The following VIPR1 variants were observed in gnomAD, a reference collection of about 807,000 sequenced individuals.
VIPR1 encodes the protein vasoactive intestinal polypeptide receptor 1.
A neutral mutation model predicts 58.8 loss-of-function variants in VIPR1; 59 were observed. That is an observed-to-expected ratio of 1.00 (90% confidence interval 0.81 to 1.25). The LOEUF (loss-of-function observed/expected upper bound fraction) is 1.25, where lower values mean the gene tolerates loss of function less well. Among genes scored for constraint, VIPR1 ranks in the 50% most tolerant of loss-of-function variants. The probability of loss-of-function intolerance (pLI) is 0.00; values close to 1 mark genes in which losing one functional copy is unlikely to be tolerated. For missense variants in VIPR1, 626 were observed against 602.7 expected (o/e 1.04, Z -0.40); for synonymous variants, 251 against 242.1 (o/e 1.04, Z -0.34).
At chr3:42,498,984 T>A (rs1410664577), upstream of VIPR1, among the ~76,000 whole-genome samples, 1 of 152,170 alleles carries the variant, frequency 6.6e-6, no homozygotes, top group East Asian at 1.9e-4. Context: ...CAAAAGAAGG[T>A]GCACCCTGGG....
chr3:42,494,339 C>T (rs1297850522), intron 1 of VIPR1, among the ~76,000 whole-genome samples: 1 of 151,800 alleles, frequency 6.6e-6, no homozygotes, highest in African/African-American at 2.4e-5. Flanking sequence ...ATTATGATAC[C>T]TCGTAGAATA....
chr3:42,506,554 G>C (rs1168673627), intron 1 of VIPR1: 2 of 151,936 alleles, frequency 1.3e-5, no homozygotes, highest in Non-Finnish European at 2.9e-5. Context: ...TTGAGATGGA[G>C]TCTTGCTCTG....
At chr3:42,535,298 C>A in intron 11 of VIPR1, 45 bp from the exon 12 acceptor site, 1 of 1,611,416 alleles carries the variant, frequency 6.2e-7, no homozygotes, top group South Asian at 1.1e-5. Flanking sequence ...GGGCTGGGGG[C>A]TTCTGGTCTG....
chr3:42,517,244 A>G (rs1404974496), intron 2 of VIPR1, among the ~76,000 whole-genome samples: 1 of 152,210 alleles, frequency 6.6e-6, no homozygotes, highest in Admixed American at 6.5e-5. Context: ...CTCTTCCCCA[A>G]GTAAACACAT....
rs559270260 is a variant in VIPR1, at chr3:42,517,607, C to T, written c.185-1616C>T. ...CAGCCACAATGCAGGGTTTTCGCTG[C>T]ACTTGTTCCCTAACTATTCCCCTCC... On this transcript the variant is annotated intron_variant, in intron 2 of 12. Coordinates refer to ENST00000325123, the MANE Select transcript of VIPR1 (RefSeq NM_004624.4). Among the ~76,000 whole-genome samples, 13 of 152,356 alleles carry T rather than the reference C, an allele frequency of 8.5e-5. No homozygotes were observed. The East Asian group carries it at 2.5e-3, about 29-fold the overall frequency.
At chr3:42,493,186 T>C (rs752191762) in intron 1 of VIPR1, among the ~76,000 whole-genome samples, 1 of 152,188 alleles carries the variant, frequency 6.6e-6, no homozygotes, top group Non-Finnish European at 1.5e-5. Flanking sequence ...ACGGGTGGCT[T>C]CTGGCTCCAG....
chr3:42,501,782 A>T (rs182921), upstream of VIPR1: 121,921 of 152,426 alleles, frequency 0.8, 48,852 homozygotes, highest in East Asian at 0.99. The surrounding 1 kb of genome is among the most constrained non-coding windows in gnomAD (Gnocchi z 4.8). Flanking sequence ...ACGTCTGTGG[A>T]TCGTTTTAGG....
At chr3:42,505,545 A>G (rs1204935619) in intron 1 of VIPR1, among the ~76,000 whole-genome samples, 1 of 152,226 alleles carries the variant, frequency 6.6e-6, no homozygotes, top group Non-Finnish European at 1.5e-5. Flanking sequence ...ACATGGCTGC[A>G]TCTGGGTCAG....
At chr3:42,527,680 G>A in intron 5 of VIPR1, 184 bp downstream of exon 5, 3 of 661,014 alleles carry the variant, frequency 4.5e-6, no homozygotes, top group South Asian at 1.9e-5. Flanking sequence ...TCTTCCATGT[G>A]TTGCAGCCTA....
intron 1 of VIPR1, among the ~76,000 whole-genome samples, chr3:42,490,297 G>A (rs571939622): frequency 6.6e-6 from 1 of 152,344 alleles, no homozygotes; most frequent in African/African-American, 2.4e-5. Context: ...AGGCGTCAAG[G>A]TTCACACGAG....
At chr3:42,503,139 CAG>C (rs1179863380) in intron 1 of VIPR1, among the ~76,000 whole-genome samples, 3 of 152,172 alleles carry the variant, frequency 2.0e-5, no homozygotes, top group East Asian at 1.9e-4. Context: ...CCAGTGGGTG[CAG>C]AGTCAGGTAC....
chr3:42,517,151 GC>G (rs1487582689), intron 2 of VIPR1, among the ~76,000 whole-genome samples: 1 of 152,222 alleles, frequency 6.6e-6, no homozygotes, highest in East Asian at 1.9e-4. Context: ...TCAGCCTTCA[GC>G]TATAGATGTG....
intron 1 of VIPR1, among the ~76,000 whole-genome samples, chr3:42,495,315 G>T (rs1007741323): frequency 2.0e-5 from 3 of 152,180 alleles, no homozygotes; most frequent in South Asian, 2.1e-4. Context: ...TAGAGACGGG[G>T]TTTCACCATG....
At chr3:42,502,931 G>A in intron 1 of VIPR1, 118 bp downstream of exon 1, 1 of 801,366 alleles carries the variant, frequency 1.2e-6, no homozygotes, top group Non-Finnish European at 1.7e-6. Context: ...GAGGAATAGG[G>A]GACATCAAGC....
chr3:42,501,379 G>A (rs1310347963), upstream of VIPR1, among the ~76,000 whole-genome samples: 1 of 152,112 alleles, frequency 6.6e-6, no homozygotes, highest in Non-Finnish European at 1.5e-5. The surrounding 1 kb of genome is among the most constrained non-coding windows in gnomAD (Gnocchi z 4.8). Context: ...TCAGGTAGCC[G>A]CACATTCTGC....
At chr3:42,522,102 T>TATATATATATATATATATA (rs1553638336) in intron 3 of VIPR1, among the ~76,000 whole-genome samples, 11 of 13,686 alleles carry the variant, frequency 8.0e-4, no homozygotes, top group African/African-American at 1.5e-3. Flanking sequence ...TATATATATA[T>TATATATATATATATATATA]TTTTTTTTTT....
chr3:42,497,152 CT>C (rs1471884436), intron 1 of VIPR1, among the ~76,000 whole-genome samples: 1 of 152,182 alleles, frequency 6.6e-6, no homozygotes, highest in Non-Finnish European at 1.5e-5. Flanking sequence ...TTGAGATCCC[CT>C]GTGGAGTTAG....
chr3:42,519,120 C>G lies in VIPR1; in HGVS notation c.185-103C>G, dbSNP rs992796261. On this transcript the variant is annotated intron_variant, in intron 2 of 12. Transcript: ENST00000325123. ...GACTGGAGGCTCCTTGAGGTGGGAG[C>G]CTGGCAGAGGGAGGAAGAGAGTGGG... The G allele has an allele frequency of 1.4e-5, 13 of 937,242 alleles. 1 individual carries two copies. The East Asian group carries it at 4.2e-4, about 30-fold the overall frequency. The allele number at this position is 937,242 out of a possible 1,614,324, so 58.1% of individuals were successfully genotyped here.
At chr3:42,504,383 C>T (rs1375273424) in intron 1 of VIPR1, among the ~76,000 whole-genome samples, 2 of 152,146 alleles carry the variant, frequency 1.3e-5, no homozygotes, top group African/African-American at 4.8e-5. Context: ...TACCCTCCCC[C>T]TGTCTTTCCA....
Sources: gnomAD v4.1 joint callset for allele counts (sites outside exome capture counted in the v4.1 genomes callset) on GRCh38, gnomAD v4.1.1 for gene constraint, Gnocchi (gnomAD v3.1) non-coding constraint, MANE v1.5 for transcripts, NCBI Gene and HGNC (gene_info 2026-07-23, HGNC 2026-07-21) for gene names.